The following EFNA5 variants were observed in gnomAD, a reference collection of about 807,000 sequenced individuals.
EFNA5 encodes ephrin A5.
Under a neutral mutation model 22.9 loss-of-function variants are expected in EFNA5, and 5 were observed. That is an observed-to-expected ratio of 0.22 (90% CI 0.11 to 0.46). The LOEUF (loss-of-function observed/expected upper bound fraction) is 0.46, where lower values mean the gene tolerates loss of function less well. Ranked by LOEUF, EFNA5 falls within the 20% of genes least tolerant of loss-of-function variation. The probability of loss-of-function intolerance (pLI) is 0.99; values close to 1 mark genes in which losing one functional copy is unlikely to be tolerated. For synonymous variants in EFNA5, 113 were observed against 112.2 expected, an observed-to-expected ratio of 1.01 and a Z score of -0.04; for missense variants, 237 against 293.3, an observed-to-expected ratio of 0.81 and a Z score of 1.40.
At chr5:107,457,404 T>TCA (rs1749723477) in intron 1 of EFNA5, among the ~76,000 whole-genome samples, 1 of 152,130 alleles carries the variant, frequency 6.6e-6, no homozygotes, top group African/African-American at 2.4e-5. Context: ...GTCCCTGATA[T>TCA]AAAAAGGCAT....
At chr5:107,512,321 T>A (rs1213748274) in intron 1 of EFNA5, among the ~76,000 whole-genome samples, 1 of 151,904 alleles carries the variant, frequency 6.6e-6, no homozygotes, top group African/African-American at 2.4e-5. Flanking sequence ...CGCCTGGGTA[T>A]AAGCAACTGA....
At chr5:107,474,157 T>C (rs1287136365) in intron 1 of EFNA5, among the ~76,000 whole-genome samples, 2 of 152,180 alleles carry the variant, frequency 1.3e-5, no homozygotes, top group Non-Finnish European at 2.9e-5. Context: ...TACATGTTTC[T>C]ACCTTCTCTT....
chr5:107,634,512 C>T (rs1750332277), intron 1 of EFNA5, among the ~76,000 whole-genome samples: 1 of 112,840 alleles, frequency 8.9e-6, no homozygotes, highest in South Asian at 2.7e-4. Context: ...GAGATCCTCT[C>T]ACAAAAAAAG....
At chr5:107,501,396 T>C (rs1747131376) in intron 1 of EFNA5, among the ~76,000 whole-genome samples, 1 of 152,344 alleles carries the variant, frequency 6.6e-6, no homozygotes, top group Admixed American at 6.5e-5. Flanking sequence ...GGTTTAATGA[T>C]GATCTGCAGT....
intron 1 of EFNA5, among the ~76,000 whole-genome samples, chr5:107,656,332 G>GTCTT (rs1473993043): frequency 6.6e-6 from 1 of 152,130 alleles, no homozygotes; most frequent in Non-Finnish European, 1.5e-5. Context: ...TCAAGAGTCA[G>GTCTT]TCTTTACACA....
rs113380285 is a variant in EFNA5, at chr5:107,584,433, G to A, written c.125+86056C>T. Among the ~76,000 whole-genome samples, 681 of 152,258 alleles carry A rather than the reference G, an allele frequency of 4.5e-3. 4 individuals are homozygous for A. Among genetic ancestry groups the A allele is most frequent in the African/African-American group, 0.015 (633 of 41,556 alleles). ...GGAGTATAGCCAAGGCACAGTCCAG[G>A]TAGCTGGCTGCAGCATTTCCCCTGA... On this transcript the variant is annotated intron_variant, in intron 1 of 4. Coordinates refer to ENST00000333274, the MANE Select transcript of EFNA5 (RefSeq NM_001962.3).
At chr5:107,481,275 A>G (rs895474520) in intron 1 of EFNA5, among the ~76,000 whole-genome samples, 1 of 152,172 alleles carries the variant, frequency 6.6e-6, no homozygotes, top group Non-Finnish European at 1.5e-5. Context: ...GAGTTGGGGA[A>G]ACAATCTGGC....
chr5:107,486,062 G>A (rs1378367648), intron 1 of EFNA5, among the ~76,000 whole-genome samples: 1 of 152,192 alleles, frequency 6.6e-6, no homozygotes, highest in East Asian at 1.9e-4. Flanking sequence ...GACGAGAAAT[G>A]AGTGTCTCGC....
intron 1 of EFNA5, among the ~76,000 whole-genome samples, chr5:107,505,831 TC>T (rs1020484237): frequency 6.6e-6 from 1 of 151,616 alleles, no homozygotes; most frequent in Non-Finnish European, 1.5e-5. Flanking sequence ...TCTTTTTCTC[TC>T]CCCCCCACCT....
intron 2 of EFNA5, among the ~76,000 whole-genome samples, chr5:107,413,108 T>C (rs1461190192): frequency 6.6e-6 from 1 of 152,166 alleles, no homozygotes; most frequent in Non-Finnish European, 1.5e-5. Flanking sequence ...ACTTGAAGCA[T>C]GGGTTGAAGT....
At chr5:107,525,429 C>T (rs1747674930) in intron 1 of EFNA5, among the ~76,000 whole-genome samples, 1 of 152,124 alleles carries the variant, frequency 6.6e-6, no homozygotes, top group African/African-American at 2.4e-5. Context: ...TTACATTTGA[C>T]CAACCTCCAT....
At chr5:107,532,477 C>A (rs994579264) in intron 1 of EFNA5, among the ~76,000 whole-genome samples, 2 of 152,352 alleles carry the variant, frequency 1.3e-5, no homozygotes, top group East Asian at 3.9e-4. Flanking sequence ...AGCAATCCCT[C>A]TAGGAATTAG....
chr5:107,593,121 T>C (rs1374714430), intron 1 of EFNA5, among the ~76,000 whole-genome samples: 3 of 152,218 alleles, frequency 2.0e-5, no homozygotes. Context: ...TCCATGGCTA[T>C]ACATCAGCAC....
At chr5:107,507,580 TAATCCCAGC>T (rs757457916) in intron 1 of EFNA5, among the ~76,000 whole-genome samples, 6 of 152,060 alleles carry the variant, frequency 3.9e-5, no homozygotes, top group Non-Finnish European at 5.9e-5. Flanking sequence ...CTCACACCTG[TAATCCCAGC>T]ACTTTTGGAG....
intron 1 of EFNA5, among the ~76,000 whole-genome samples, chr5:107,464,697 G>A (rs879388379): frequency 6.6e-6 from 1 of 152,144 alleles, no homozygotes; most frequent in African/African-American, 2.4e-5. Context: ...TCCCAGGCAA[G>A]AGGGGAGTTG....
In EFNA5 at chr5:107,603,248, G is replaced by C. The variant is rs1245949922; in HGVS notation, c.125+67241C>G. 2.0e-5 allele frequency among the ~76,000 whole-genome samples: 3 copies of C among 152,168 alleles called. No individual in the cohort carries two copies. In the East Asian group the frequency reaches 5.8e-4, roughly 29 times the overall value. On this transcript the variant is annotated intron_variant, in intron 1 of 4. Transcript: ENST00000333274. ...AGGTTGTAGTTCAAGGTGCATCAAA[G>C]AGTCACTACTCCTTTTAATGGAATT...
At chr5:107,565,835 T>C (rs1299938848) in intron 1 of EFNA5, among the ~76,000 whole-genome samples, 1 of 152,216 alleles carries the variant, frequency 6.6e-6, no homozygotes, top group Non-Finnish European at 1.5e-5. Context: ...GCTGAGTCAA[T>C]CTATTTTCCA....
At chr5:107,580,579 C>G (rs889506358) in intron 1 of EFNA5, among the ~76,000 whole-genome samples, 3 of 151,738 alleles carry the variant, frequency 2.0e-5, no homozygotes, top group African/African-American at 7.3e-5. Flanking sequence ...AAAAATTAGC[C>G]GGGCATGGTG....
intron 1 of EFNA5, among the ~76,000 whole-genome samples, chr5:107,566,825 T>C (rs1045019550): frequency 3.9e-5 from 6 of 152,240 alleles, no homozygotes; most frequent in African/African-American, 1.4e-4. Context: ...GAACAGAATA[T>C]TGTTCCTCAT....
Sources: gnomAD v4.1 joint callset for allele counts (sites outside exome capture counted in the v4.1 genomes callset) on GRCh38, gnomAD v4.1.1 for gene constraint, MANE v1.5 for transcripts, NCBI Gene and HGNC (gene_info 2026-07-23, HGNC 2026-07-21) for gene names.